Variants in TRPM3 observed in about 807,000 individuals in gnomAD.
The protein encoded by TRPM3 is long transient receptor potential channel 3.
A neutral mutation model predicts 181.2 loss-of-function variants in TRPM3; 77 were observed. The ratio of observed to expected loss-of-function variants is 0.42; its 90% CI spans 0.35 to 0.51. TRPM3 has a LOEUF of 0.51. TRPM3 is among the 20% of genes least tolerant of loss of function. TRPM3 has a pLI of 0.01. For synonymous variants in TRPM3, 745 were observed against 796.4 expected (o/e 0.94, Z 1.09); for missense variants, 1,759 against 2,196.7 (o/e 0.80, Z 3.98).
chr9:71,187,937 AGATAGATAGATAG>A (rs1565318707), intron 1 of TRPM3, among the ~76,000 whole-genome samples: 6 of 85,192 alleles, frequency 7.0e-5, no homozygotes, highest in African/African-American at 2.1e-4. Flanking sequence ...ATAGATAGAT[AGATAGATAGATAG>A]ATCATCGCAT....
intron 9 of TRPM3, among the ~76,000 whole-genome samples, chr9:70,642,511 C>G (rs1352890577): frequency 2.0e-5 from 3 of 152,198 alleles, no homozygotes; most frequent in African/African-American, 7.2e-5. Context: ...GATTCCAAAA[C>G]TTTGCTGCAC....
rs1198891119 is a variant in TRPM3 at position 71,378,856 on chromosome 9, T to C, written c.183+67797A>G. 2.0e-5 allele frequency among the ~76,000 whole-genome samples: 3 copies of C among 152,150 alleles called. No individual in the cohort carries two copies. The East Asian group carries it at 5.8e-4, about 29-fold the overall frequency. On this transcript the variant is annotated intron_variant, in intron 1 of 24. Coordinates refer to the TRPM3 transcript ENST00000357533. ...TAAATACTATTACAGCATTATATAT[T>C]ATTGAATAATTATATATAATGCGTA...
intron 1 of TRPM3, among the ~76,000 whole-genome samples, chr9:70,885,584 T>G (rs949258384): frequency 2.0e-5 from 3 of 152,196 alleles, no homozygotes; most frequent in Admixed American, 2.0e-4. Flanking sequence ...TTCCTCCTAC[T>G]AGCCCTGGCA....
chr9:70,879,486 C>T (rs565169899), intron 1 of TRPM3, among the ~76,000 whole-genome samples: 19 of 152,092 alleles, frequency 1.2e-4, no homozygotes, highest in Non-Finnish European at 2.2e-4. Flanking sequence ...TTTGTTCTTT[C>T]GCCTGCCCAT....
At chr9:71,255,904 A>G (rs1504404) in intron 1 of TRPM3, among the ~76,000 whole-genome samples, 34,802 of 152,052 alleles carry the variant, frequency 0.23, 4,502 homozygotes, top group African/African-American at 0.33. Context: ...CTGTTGCCAC[A>G]ATTATCTTGT....
At chr9:70,620,639 C>T (rs928118224) in intron 15 of TRPM3, among the ~76,000 whole-genome samples, 2 of 152,140 alleles carry the variant, frequency 1.3e-5, no homozygotes, top group Non-Finnish European at 2.9e-5. Flanking sequence ...CTTTTTACTT[C>T]TGTCCATTTA....
rs191417624 is a variant in TRPM3, at chr9:71,027,666, C to A, written c.177+93512G>T. ...GACACTCTACAAGCATTTCATAATG[C>A]AATTGCAAGTATTAGCAGCAGAATA... On this transcript the variant is annotated intron_variant, in intron 1 of 25. Coordinates refer to ENST00000677713, the MANE Select transcript of TRPM3 (RefSeq NM_001366145.2). Among the ~76,000 whole-genome samples the A allele has an allele frequency of 4.6e-5, 7 of 152,046 alleles. No homozygotes were observed. In the East Asian group the frequency reaches 7.7e-4, roughly 17 times the overall value.
At chr9:70,831,259 C>T (rs1353353217) in intron 5 of TRPM3, among the ~76,000 whole-genome samples, 2 of 152,034 alleles carry the variant, frequency 1.3e-5, no homozygotes, top group African/African-American at 4.8e-5. Context: ...ATTTGCTGAT[C>T]TTCCCGTTAT....
chr9:71,093,073 C>A (rs2066493138), intron 1 of TRPM3, among the ~76,000 whole-genome samples: 1 of 152,100 alleles, frequency 6.6e-6, no homozygotes, highest in African/African-American at 2.4e-5. Flanking sequence ...ACACTTTATA[C>A]AAAAATTAAC....
At chr9:71,121,853 AATG>A (rs2073692321), upstream of TRPM3, among the ~76,000 whole-genome samples, 1 of 152,246 alleles carries the variant, frequency 6.6e-6, no homozygotes, top group African/African-American at 2.4e-5. Flanking sequence ...GGTGCCTCCG[AATG>A]ATGAGATAAA....
intron 1 of TRPM3, among the ~76,000 whole-genome samples, chr9:71,000,148 T>A (rs1020194684): frequency 1.3e-5 from 2 of 152,142 alleles, no homozygotes; most frequent in Non-Finnish European, 2.9e-5. Flanking sequence ...GCATAATGTA[T>A]CCCATTGGGA....
intron 1 of TRPM3, 32 bp downstream of exon 1, chr9:71,121,146 T>A (rs1269453112): frequency 6.2e-7 from 1 of 1,601,196 alleles, no homozygotes; most frequent in African/African-American, 1.4e-5. Context: ...AAAAGCACAA[T>A]TAGCGCCATT....
chr9:71,002,701 T>C (rs1282682066), intron 1 of TRPM3, among the ~76,000 whole-genome samples: 1 of 152,164 alleles, frequency 6.6e-6, no homozygotes, highest in Non-Finnish European at 1.5e-5. Flanking sequence ...CAAATTCTAA[T>C]GAATTATAAA....
At chr9:70,776,632 G>A (rs1345849645) in intron 7 of TRPM3, 1 of 547,636 alleles carries the variant, frequency 1.8e-6, no homozygotes, top group African/African-American at 1.9e-5. Context: ...GCTTTTCAGG[G>A]AAGAATGTTC....
intron 1 of TRPM3, among the ~76,000 whole-genome samples, chr9:71,101,441 C>A (rs1298888282): frequency 6.6e-6 from 1 of 152,002 alleles, no homozygotes; most frequent in Non-Finnish European, 1.5e-5. Context: ...TTCTAATGAC[C>A]GAAGGGAAGG....
rs1004753435 is a variant in TRPM3 at position 70,752,016 on chromosome 9, G to A, written c.1272+9585C>T. ...ATCTCAACAGTGTGTGTGTGTGTGT[G>A]TGTGTGTGTGTGTGTGTGTGTGTGT... On this transcript the variant is annotated intron_variant, in intron 8 of 25. Transcript: ENST00000677713. 3.2e-3 allele frequency among the ~76,000 whole-genome samples: 367 copies of A among 116,204 alleles called. 3 individuals carry two copies. Among genetic ancestry groups the A allele is most frequent in the African/African-American group, 0.011 (341 of 31,808 alleles). The allele number at this position is 116,204 out of a possible 152,430, so 76.2% of individuals were successfully genotyped here.
At chr9:70,657,612 AAAAAATCT>A (rs1426194765) in intron 9 of TRPM3, among the ~76,000 whole-genome samples, 1 of 152,194 alleles carries the variant, frequency 6.6e-6, no homozygotes, top group Non-Finnish European at 1.5e-5. Context: ...TTTGCACAGG[AAAAAATCT>A]GAGATTAAAA....
At chr9:70,683,407 TTCTC>T (rs970412605) in intron 8 of TRPM3, among the ~76,000 whole-genome samples, 1 of 147,410 alleles carries the variant, frequency 6.8e-6, no homozygotes, top group African/African-American at 2.5e-5. Context: ...TTCCTTCCTT[TTCTC>T]TCTTTCTCTC....
intron 1 of TRPM3, among the ~76,000 whole-genome samples, chr9:70,998,869 CT>C (rs748085215): frequency 2.0e-4 from 30 of 152,066 alleles, no homozygotes; most frequent in Non-Finnish European, 3.5e-4. Context: ...CCTCTTTAAA[CT>C]TTTACTTTCT....
Sources: gnomAD v4.1 joint callset for allele counts (sites outside exome capture counted in the v4.1 genomes callset) on GRCh38, gnomAD v4.1.1 for gene constraint, MANE v1.5 for transcripts, NCBI Gene and HGNC (gene_info 2026-07-23, HGNC 2026-07-21) for gene names.